TFEC: variants seen among roughly 807,000 people sequenced by gnomAD.
TFEC encodes the protein class E basic helix-loop-helix protein 34.
A neutral mutation model predicts 41.6 loss-of-function variants in TFEC; 31 were observed. The ratio of observed to expected loss-of-function variants is 0.74; its 90% CI spans 0.56 to 1.01. TFEC has a LOEUF of 1.01. Ranked by LOEUF, TFEC falls within the 50% of genes least tolerant of loss-of-function variation. The probability of loss-of-function intolerance (pLI) is 0.00; values close to 1 mark genes in which losing one functional copy is unlikely to be tolerated. For synonymous variants in TFEC, 143 were observed against 140.6 expected (o/e 1.02, Z -0.12); for missense variants, 402 against 404.1 (o/e 0.99, Z 0.04).
intron 3 of TFEC, among the ~76,000 whole-genome samples, chr7:116,064,294 C>T (rs2402029): frequency 0.68 from 102,529 of 151,274 alleles, 35,555 homozygotes; most frequent in African/African-American, 0.83. Flanking sequence ...GCCATTCTTC[C>T]ATATATACCT....
intron 3 of TFEC, among the ~76,000 whole-genome samples, chr7:116,074,854 C>T (rs1424995287): frequency 6.6e-6 from 1 of 152,102 alleles, no homozygotes; most frequent in African/African-American, 2.4e-5. Context: ...TAGCAAAAAG[C>T]AGAAGCAACC....
At chr7:116,116,598 C>T (rs1369689716) in intron 1 of TFEC, among the ~76,000 whole-genome samples, 1 of 151,872 alleles carries the variant, frequency 6.6e-6, no homozygotes, top group Admixed American at 6.6e-5. Flanking sequence ...AATACATTCA[C>T]GCATTTATTC....
chr7:116,123,485 G>A (rs760293614), intron 1 of TFEC, among the ~76,000 whole-genome samples: 7 of 151,856 alleles, frequency 4.6e-5, no homozygotes, highest in African/African-American at 7.3e-5. Context: ...GCCTGAAATA[G>A]TGGGTTTAAA....
At chr7:116,097,987 C>A (rs997749008) in intron 3 of TFEC, among the ~76,000 whole-genome samples, 1 of 152,072 alleles carries the variant, frequency 6.6e-6, no homozygotes, top group Non-Finnish European at 1.5e-5. Flanking sequence ...ACAGACTTAA[C>A]TCTTCACATA....
chr7:116,087,720 CCA>C, intron 3 of TFEC, among the ~76,000 whole-genome samples: 1 of 151,814 alleles, frequency 6.6e-6, no homozygotes, highest in Non-Finnish European at 1.5e-5. Flanking sequence ...AAATTCTTTC[CCA>C]ATAGGAGAAA....
chr7:116,014,226 C>A (rs1795106800), intron 1 of TFEC, among the ~76,000 whole-genome samples: 3 of 151,904 alleles, frequency 2.0e-5, no homozygotes, highest in African/African-American at 7.3e-5. Flanking sequence ...GCTTATCCTG[C>A]ATAAATATCA....
At chr7:116,075,984 T>C (rs1796950871) in intron 3 of TFEC, among the ~76,000 whole-genome samples, 1 of 152,122 alleles carries the variant, frequency 6.6e-6, no homozygotes, top group Non-Finnish European at 1.5e-5. Flanking sequence ...CAGTGCACTA[T>C]ATGAAAACAC....
Position 115,940,572 on chromosome 7 carries a change from TG to T in TFEC, c.1022del (p.Ser341Ter), listed in dbSNP as rs1793436859. ...KESSRRSSFSSDDGDEL is the reference protein window; with the variant it reads ...KESSRRSSFSXDDGDEL ...TTTCTTATAATTCATCACCATCATCTGAGCTAAAGCTACTTCTCCTACTGCT... is the reference window on the plus strand; with the variant it reads ...TTTCTTATAATTCATCACCATCATCTAGCTAAAGCTACTTCTCCTACTGCT... On this transcript the variant is annotated frameshift_variant, in exon 8 of 8. Transcript: ENST00000265440. LOFTEE classifies it high-confidence loss of function. The T allele has an allele frequency of 5.0e-6, 8 of 1,611,950 alleles. No homozygotes were observed. Among genetic ancestry groups the T allele is most frequent in the Non-Finnish European group, 6.8e-6 (8 of 1,178,800 alleles).
chr7:116,019,828 G>C (rs2130849873), intron 1 of TFEC, among the ~76,000 whole-genome samples: 1 of 152,208 alleles, frequency 6.6e-6, no homozygotes, highest in Non-Finnish European at 1.5e-5. Flanking sequence ...TTCCTTATTT[G>C]ATGCATTTTA....
chr7:116,054,241 T>C (rs1796378646), intron 3 of TFEC, among the ~76,000 whole-genome samples: 1 of 152,132 alleles, frequency 6.6e-6, no homozygotes, highest in South Asian at 2.1e-4. Context: ...GCAAAAAGAA[T>C]GAATGTTGGA....
intron 3 of TFEC, among the ~76,000 whole-genome samples, chr7:115,973,513 T>G (rs919262594): frequency 1.4e-4 from 22 of 152,026 alleles, no homozygotes; most frequent in South Asian, 6.2e-4. Context: ...TTGAAAGAGC[T>G]TACACACCCT....
intron 3 of TFEC, among the ~76,000 whole-genome samples, chr7:116,105,350 C>A (rs1797693271): frequency 6.6e-6 from 1 of 152,190 alleles, no homozygotes. Context: ...TAATAACCTA[C>A]AAATATTTTT....
intron 1 of TFEC, among the ~76,000 whole-genome samples, chr7:116,154,425 C>T (rs975049725): frequency 6.6e-6 from 1 of 152,088 alleles, no homozygotes; most frequent in Non-Finnish European, 1.5e-5. Flanking sequence ...AACATGTACT[C>T]CTTCAAGAGT....
At chr7:116,101,602 A>G (rs1797606455) in intron 3 of TFEC, among the ~76,000 whole-genome samples, 1 of 152,204 alleles carries the variant, frequency 6.6e-6, no homozygotes, top group South Asian at 2.1e-4. Context: ...AATTAGTTGG[A>G]GAAAGAATAG....
intron 1 of TFEC, among the ~76,000 whole-genome samples, chr7:116,029,866 C>T (rs1200010142): frequency 6.6e-6 from 1 of 151,414 alleles, no homozygotes; most frequent in Non-Finnish European, 1.5e-5. Context: ...CAAGACAAGC[C>T]TGGCCAACAT....
chr7:116,127,524 A>G (rs1336301648), intron 1 of TFEC, among the ~76,000 whole-genome samples: 4 of 152,052 alleles, frequency 2.6e-5, no homozygotes, highest in African/African-American at 9.7e-5. Context: ...AGTGTTTAGC[A>G]AATGTATTTA....
chr7:115,971,476 T>G (rs1310980099), intron 3 of TFEC, among the ~76,000 whole-genome samples: 1 of 152,036 alleles, frequency 6.6e-6, no homozygotes, highest in Non-Finnish European at 1.5e-5. Context: ...TTGTTTCTTT[T>G]GTTTTTCCTC....
At chr7:116,096,511 G>C (rs1015936857) in intron 3 of TFEC, among the ~76,000 whole-genome samples, 28 of 151,996 alleles carry the variant, frequency 1.8e-4, no homozygotes, top group African/African-American at 6.8e-4. Flanking sequence ...ATTCTAATAT[G>C]TGTATAGTAG....
intron 3 of TFEC, among the ~76,000 whole-genome samples, chr7:116,071,975 T>C (rs1387165199): frequency 6.6e-6 from 1 of 151,548 alleles, no homozygotes; most frequent in African/African-American, 2.4e-5. Flanking sequence ...AAGACCTTAA[T>C]TAAAGTACAG....
Sources: allele counts gnomAD v4.1 joint callset (sites outside exome capture counted in the v4.1 genomes callset), GRCh38; gene constraint gnomAD v4.1.1; transcripts MANE v1.5; gene names NCBI Gene and HGNC (gene_info 2026-07-23, HGNC 2026-07-21).